Variants in STK39 observed in about 807,000 individuals in gnomAD.
STK39 encodes STE20/SPS1-related proline-alanine-rich protein kinase.
In STK39, 20 loss-of-function variants were observed where a neutral mutation model predicts 77.8. That is an observed-to-expected ratio of 0.26 (90% confidence interval 0.18 to 0.37). The LOEUF (loss-of-function observed/expected upper bound fraction) is 0.37, where lower values mean the gene tolerates loss of function less well. STK39 is among the 10% of genes least tolerant of loss of function. The pLI, the probability that STK39 is intolerant of heterozygous loss-of-function variation, is 1.00. For missense variants in STK39, 479 were observed against 656.5 expected, an observed-to-expected ratio of 0.73 and a Z score of 2.95; for synonymous variants, 246 against 234.1, an observed-to-expected ratio of 1.05 and a Z score of -0.47.
At chr2:168,214,914 ATTC>A (rs1183445733) in intron 1 of STK39, among the ~76,000 whole-genome samples, 1 of 152,148 alleles carries the variant, frequency 6.6e-6, no homozygotes, top group Non-Finnish European at 1.5e-5. Context: ...TAGCAACTCT[ATTC>A]TTCATTTTGT....
At position 168,068,713 on chromosome 2, in the gene STK39, A is replaced by G. The variant is rs892731088; in HGVS notation, c.1243-3332T>C. Among the ~76,000 whole-genome samples the G allele has an allele frequency of 3.3e-5, 5 of 152,202 alleles. No individual in the cohort carries two copies. The East Asian group carries it at 7.7e-4, about 23-fold the overall frequency. The stretch of plus-strand genomic sequence containing the variant: ...AAAAACATACCTATCTTTTCTAACA[A>G]CTGCTCAAAAGGGCAGTCACCTGCA... On this transcript the variant is annotated intron_variant, in intron 12 of 17. Coordinates refer to ENST00000355999, the MANE Select transcript of STK39 (RefSeq NM_013233.3).
intron 8 of STK39, among the ~76,000 whole-genome samples, chr2:168,131,177 G>A (rs1259781770): frequency 6.6e-6 from 1 of 152,164 alleles, no homozygotes; most frequent in Admixed American, 6.6e-5. Flanking sequence ...ATAAAACATA[G>A]ATATCACAAT....
chr2:168,157,898 T>A (rs1289436576), intron 5 of STK39, among the ~76,000 whole-genome samples: 1 of 152,198 alleles, frequency 6.6e-6, no homozygotes, highest in East Asian at 1.9e-4. Flanking sequence ...AATCAACATT[T>A]TTATAGAACA....
intron 10 of STK39, among the ~76,000 whole-genome samples, chr2:168,110,752 T>C (rs1018275417): frequency 3.3e-5 from 5 of 152,218 alleles, no homozygotes; most frequent in African/African-American, 1.2e-4. Flanking sequence ...CACTGTATAT[T>C]CTTGAGCCTA....
At chr2:168,034,782 C>T (rs1684910944) in intron 14 of STK39, among the ~76,000 whole-genome samples, 1 of 152,150 alleles carries the variant, frequency 6.6e-6, no homozygotes, top group Non-Finnish European at 1.5e-5. Flanking sequence ...GTATTCTGAA[C>T]ATTAAAAACC....
In STK39 at chr2:167,997,132, A is replaced by G. The variant is rs79382231; in HGVS notation, c.1498+15502T>C. Among the ~76,000 whole-genome samples the G allele has an allele frequency of 2.5e-3, 374 of 151,276 alleles. 1 individual carries two copies. The highest frequency in any genetic ancestry group is 4.1e-3 in the Non-Finnish European group (276 of 67,870). The stretch of plus-strand genomic sequence containing the variant: ...TACTTTCCAGCTCTCTTTGTGCCAG[A>G]GAAGTAATAGGAGAAGGTTTTCCCA... On this transcript the variant is annotated intron_variant, in intron 16 of 17. Coordinates refer to ENST00000355999, the MANE Select transcript of STK39 (RefSeq NM_013233.3).
intron 1 of STK39, 27 bp downstream of exon 1, chr2:168,247,201 C>A (rs1466923612): frequency 1.1e-5 from 13 of 1,185,370 alleles, no homozygotes; most frequent in Non-Finnish European, 1.4e-5. Flanking sequence ...CGGCCTGTGC[C>A]GGCCCCGCCG....
intron 10 of STK39, among the ~76,000 whole-genome samples, chr2:168,113,406 C>A (rs1275356304): frequency 1.3e-5 from 2 of 152,044 alleles, no homozygotes; most frequent in Non-Finnish European, 2.9e-5. Context: ...TGTAACACAG[C>A]GAAGACACAT....
chr2:168,073,333 T>C (rs1438283597), intron 12 of STK39, among the ~76,000 whole-genome samples: 1 of 152,202 alleles, frequency 6.6e-6, no homozygotes, highest in African/African-American at 2.4e-5. Flanking sequence ...CCAATGAAGA[T>C]TTCTTGTGGT....
At chr2:167,956,721 CT>C (rs1691789567) in intron 17 of STK39, among the ~76,000 whole-genome samples, 2 of 70,316 alleles carry the variant, frequency 2.8e-5, no homozygotes, top group South Asian at 3.8e-4. Context: ...CTCTCTCTCT[CT>C]CTCTCTCCCC....
intron 7 of STK39, among the ~76,000 whole-genome samples, chr2:168,139,014 A>G (rs956479602): frequency 2.0e-5 from 3 of 152,230 alleles, no homozygotes; most frequent in Non-Finnish European, 4.4e-5. Context: ...ATTTATGCAA[A>G]TGCTATACAT....
intron 10 of STK39, among the ~76,000 whole-genome samples, chr2:168,129,316 G>T (rs1342023843): frequency 6.6e-6 from 1 of 152,158 alleles, no homozygotes; most frequent in Non-Finnish European, 1.5e-5. Flanking sequence ...AGCTGATAAA[G>T]GGAAAAATGA....
At position 168,247,559 on chromosome 2, in the gene STK39, G is replaced by GCCGCCGCCGCCA; in HGVS notation, c.-125_-124insTGGCGGCGGCGG. 2 of 742,614 alleles carry GCCGCCGCCGCCA rather than the reference G, an allele frequency of 2.7e-6. No homozygotes were observed. Among genetic ancestry groups the GCCGCCGCCGCCA allele is most frequent in the Non-Finnish European group, 3.4e-6 (2 of 579,790 alleles). 46.0% of individuals were successfully genotyped at this position (742,614 alleles called of 1,614,324 possible). ...GCCCTCCCCGCCCGCCGCCGCCGCC[G>GCCGCCGCCGCCA]CCGTCCCCGCCGAAGCCAGCTAGGA... On this transcript the variant is annotated 5_prime_UTR_variant, in exon 1 of 18. Coordinates refer to ENST00000355999, the MANE Select transcript of STK39 (RefSeq NM_013233.3).
chr2:168,081,169 C>T (rs12472379), intron 10 of STK39, among the ~76,000 whole-genome samples: 5,327 of 152,114 alleles, frequency 0.035, 240 homozygotes, highest in East Asian at 0.19. Context: ...ATGGTAGATC[C>T]ACCTACAGCT....
At chr2:168,246,869 C>G (rs535328320) in intron 1 of STK39, among the ~76,000 whole-genome samples, 7 of 151,890 alleles carry the variant, frequency 4.6e-5, no homozygotes, top group South Asian at 2.1e-4. Context: ...GCGTGGCCAC[C>G]GGCCACGGGC....
At chr2:168,006,765 A>G (rs867902120) in intron 16 of STK39, among the ~76,000 whole-genome samples, 3 of 152,230 alleles carry the variant, frequency 2.0e-5, no homozygotes, top group African/African-American at 7.2e-5. Context: ...TTCTTGCCTA[A>G]GGTAGTGCCG....
At chr2:168,169,494 G>A (rs756656408) in intron 2 of STK39, among the ~76,000 whole-genome samples, 3 of 152,104 alleles carry the variant, frequency 2.0e-5, no homozygotes, top group Non-Finnish European at 4.4e-5. Flanking sequence ...ACAACTAATG[G>A]TCATACAAAA....
At chr2:168,222,505 G>A (rs186908276) in intron 1 of STK39, among the ~76,000 whole-genome samples, 65 of 152,266 alleles carry the variant, frequency 4.3e-4, no homozygotes, top group Admixed American at 1.7e-3. Flanking sequence ...TTATTTTGAA[G>A]ACACATAAAA....
intron 16 of STK39, among the ~76,000 whole-genome samples, chr2:167,965,858 G>A (rs1484943043): frequency 8.5e-5 from 13 of 152,062 alleles, no homozygotes; most frequent in Admixed American, 3.9e-4. Flanking sequence ...AGAAATCTGC[G>A]CAAGTTTTAA....
Sources: gnomAD v4.1 joint callset for allele counts (sites outside exome capture counted in the v4.1 genomes callset) on GRCh38, gnomAD v4.1.1 for gene constraint, MANE v1.5 for transcripts, NCBI Gene and HGNC (gene_info 2026-07-23, HGNC 2026-07-21) for gene names.